PDE1C: variants seen among roughly 807,000 people sequenced by gnomAD.
The protein encoded by PDE1C is dual specificity calcium/calmodulin-dependent 3',5'-cyclic nucleotide phosphodiesterase 1C.
A neutral mutation model predicts 93.1 loss-of-function variants in PDE1C; 62 were observed. That is an observed-to-expected ratio of 0.67 (90% CI 0.54 to 0.82). The LOEUF (loss-of-function observed/expected upper bound fraction) is 0.82, where lower values mean the gene tolerates loss of function less well. Ranked by LOEUF, PDE1C falls within the 40% of genes least tolerant of loss-of-function variation. The pLI, the probability that PDE1C is intolerant of heterozygous loss-of-function variation, is 0.00. For missense variants in PDE1C, 742 were observed against 884.6 expected (o/e 0.84, Z 2.04); for synonymous variants, 325 against 310.1 (o/e 1.05, Z -0.50).
At chr7:32,017,424 T>C (rs1014492218) in intron 2 of PDE1C, among the ~76,000 whole-genome samples, 3 of 152,102 alleles carry the variant, frequency 2.0e-5, no homozygotes, top group Admixed American at 1.3e-4. Flanking sequence ...TAAATCTACA[T>C]GACCTTAGAT....
intron 1 of PDE1C, among the ~76,000 whole-genome samples, chr7:32,284,082 A>G (rs985645985): frequency 6.6e-6 from 1 of 152,188 alleles, no homozygotes; most frequent in Admixed American, 6.5e-5. Context: ...TCCTCCTAGA[A>G]CATTTAAATA....
At chr7:32,305,763 C>G (rs1812984436) in intron 1 of PDE1C, among the ~76,000 whole-genome samples, 1 of 152,262 alleles carries the variant, frequency 6.6e-6, no homozygotes, top group Admixed American at 6.5e-5. Context: ...GGGCAGAGCC[C>G]ATATGGCACC....
chr7:31,874,489 A>G (rs933031068), intron 5 of PDE1C, among the ~76,000 whole-genome samples: 2 of 152,204 alleles, frequency 1.3e-5, no homozygotes, highest in South Asian at 4.1e-4. Context: ...CTTGGTTCTC[A>G]TGAGTGACTC....
At chr7:31,722,901 G>A in the PDE1C span, among the ~76,000 whole-genome samples, 12 of 152,246 alleles carry the variant, frequency 7.9e-5, no homozygotes, top group African/African-American at 2.6e-4. Flanking sequence ...CAGAGAATCT[G>A]ACAGTTTTTC....
chr7:32,418,316 G>A (rs10479832), intron 1 of PDE1C, among the ~76,000 whole-genome samples: 47,632 of 152,010 alleles, frequency 0.31, 7,932 homozygotes, highest in Admixed American at 0.41. Context: ...TAAGACCCCC[G>A]TACTCACTAG....
intron 1 of PDE1C, among the ~76,000 whole-genome samples, chr7:32,217,546 C>T (rs1272333893): frequency 4.6e-5 from 7 of 152,170 alleles, no homozygotes; most frequent in African/African-American, 9.7e-5. Flanking sequence ...ATATCTCTGG[C>T]GATGGCTGAA....
Position 32,027,448 on chromosome 7 carries a change from T to G in PDE1C, c.128+24106A>C, listed in dbSNP as rs2128627247. ...TGTGTGGGTTTCTGTTTGTTTGTGC[T>G]TATATGTGTGTTTAAATAGATACCA... On this transcript the variant is annotated intron_variant, in intron 2 of 17. Coordinates refer to ENST00000396191, the MANE Select transcript of PDE1C (RefSeq NM_001191057.4). Among the ~76,000 whole-genome samples the G allele has an allele frequency of 1.3e-5, 2 of 152,106 alleles. 1 individual carries two copies. Among genetic ancestry groups the G allele is most frequent in the South Asian group, 4.1e-4 (2 of 4,824 alleles).
At chr7:31,709,932 T>C in the PDE1C span, among the ~76,000 whole-genome samples, 2 of 152,270 alleles carry the variant, frequency 1.3e-5, no homozygotes, top group East Asian at 3.9e-4. Flanking sequence ...GGAGCATCAC[T>C]TGAACCCAGG....
intron 7 of PDE1C, among the ~76,000 whole-genome samples, chr7:31,856,451 TGATACAA>T (rs1794032080): frequency 6.6e-6 from 1 of 152,218 alleles, no homozygotes; most frequent in South Asian, 2.1e-4. Context: ...ATCACTGCTA[TGATACAA>T]CATTTATGTT....
chr7:31,825,070 G>T, intron 12 of PDE1C, 83 bp from the exon 13 acceptor site: 1 of 1,541,892 alleles, frequency 6.5e-7, no homozygotes, highest in Non-Finnish European at 8.9e-7. Flanking sequence ...TGATCTAGAA[G>T]TTCCAGATCA....
chr7:31,654,983 G>T, the PDE1C span, among the ~76,000 whole-genome samples: 4 of 152,060 alleles, frequency 2.6e-5, no homozygotes, highest in East Asian at 1.9e-4. Context: ...TTCTCAGAGC[G>T]TGGACATCCC....
At chr7:32,013,110 C>T (rs1227020217) in intron 2 of PDE1C, among the ~76,000 whole-genome samples, 2 of 152,202 alleles carry the variant, frequency 1.3e-5, no homozygotes, top group Admixed American at 6.5e-5. Context: ...CCCACTTTCT[C>T]ATTCAGTGTT....
At chr7:31,948,670 A>G (rs1008333373) in intron 2 of PDE1C, among the ~76,000 whole-genome samples, 1 of 151,928 alleles carries the variant, frequency 6.6e-6, no homozygotes, top group Non-Finnish European at 1.5e-5. Flanking sequence ...CGGAGATGGG[A>G]GTTGTTTTCT....
intron 3 of PDE1C, among the ~76,000 whole-genome samples, chr7:32,099,942 T>A (rs59098391): frequency 0.079 from 12,015 of 152,148 alleles, 648 homozygotes; most frequent in East Asian, 0.21. Context: ...CACCCCTCAT[T>A]GTCAGCATCA....
At chr7:31,871,336 AAC>A (rs1305880414) in intron 6 of PDE1C, among the ~76,000 whole-genome samples, 1 of 152,094 alleles carries the variant, frequency 6.6e-6, no homozygotes, top group Non-Finnish European at 1.5e-5. Flanking sequence ...ACACCTCAAA[AAC>A]ACAGGCAATA....
chr7:32,119,406 G>A (rs894914270), intron 3 of PDE1C, among the ~76,000 whole-genome samples: 1 of 152,174 alleles, frequency 6.6e-6, no homozygotes. Context: ...AAATGTCCTA[G>A]TTTCCATAAT....
At chr7:32,004,884 T>C (rs1051120008) in intron 2 of PDE1C, among the ~76,000 whole-genome samples, 1 of 152,248 alleles carries the variant, frequency 6.6e-6, no homozygotes, top group African/African-American at 2.4e-5. Context: ...TTTAACATAT[T>C]TGAAGAGCCA....
the PDE1C span, among the ~76,000 whole-genome samples, chr7:31,681,377 AT>A: frequency 4.4e-5 from 6 of 135,916 alleles, no homozygotes; most frequent in African/African-American, 6.9e-5. Context: ...GGACGGATGG[AT>A]GGATGGATGG....
the PDE1C span, among the ~76,000 whole-genome samples, chr7:31,683,015 A>G: frequency 1.3e-5 from 2 of 152,210 alleles, no homozygotes; most frequent in Non-Finnish European, 2.9e-5. Context: ...CATGGCTGTA[A>G]AAGAGCAACA....
Sources: gnomAD v4.1 joint callset for allele counts (sites outside exome capture counted in the v4.1 genomes callset) on GRCh38, gnomAD v4.1.1 for gene constraint, MANE v1.5 for transcripts, NCBI Gene and HGNC (gene_info 2026-07-23, HGNC 2026-07-21) for gene names.